Variants in PPP2R1A observed in about 807,000 individuals in gnomAD.
The protein encoded by PPP2R1A is protein phosphatase 2 scaffold subunit Aalpha.
In PPP2R1A, 15 loss-of-function variants were observed where a neutral mutation model predicts 67.1. The ratio of observed to expected loss-of-function variants is 0.22; its 90% CI spans 0.15 to 0.34. The LOEUF (loss-of-function observed/expected upper bound fraction) is 0.34. Ranked by LOEUF, PPP2R1A falls within the 10% of genes least tolerant of loss-of-function variation. The pLI is 1.00. For synonymous variants in PPP2R1A, 337 were observed against 325.0 expected (o/e 1.04, Z -0.40); for missense variants, 369 against 775.0 (o/e 0.48, Z 6.22).
At position 52,212,497 on chromosome 19, in the gene PPP2R1A, T is replaced by A; in HGVS notation, c.504-189T>A. On this transcript the variant is annotated intron_variant, in intron 4 of 14. Coordinates refer to ENST00000322088, the MANE Select transcript of PPP2R1A (RefSeq NM_014225.6). This position sits in a 1 kb window ranked among gnomAD's most constrained non-coding sequence, Gnocchi z 4.1. ...CACACACACTATTTTCATTTAAACCTCATGCGGACCTGTGGGGTAGGTACT... is the reference window on the plus strand; with the variant it reads ...CACACACACTATTTTCATTTAAACCACATGCGGACCTGTGGGGTAGGTACT... 2 of 627,882 alleles carry A rather than the reference T, an allele frequency of 3.2e-6. No individual in the cohort carries two copies. The highest frequency in any genetic ancestry group is 5.4e-6 in the Non-Finnish European group (2 of 367,500). 38.9% of individuals were successfully genotyped at this position (627,882 alleles called of 1,614,324 possible). A position where few individuals can be genotyped will look rare whatever the true frequency, so the allele number is the denominator to read the frequency against.
In PPP2R1A at chr19:52,216,896, GT is replaced by G. The variant is rs1978606899; in HGVS notation, c.1128+238del. ...AGGATATGAAAAATAGAAATTTAAA[GT>G]TTTTATTTATGGCCAGGCGCGGTGG... On this transcript the variant is annotated intron_variant, in intron 9 of 14. Transcript: ENST00000322088. This position sits in a 1 kb window ranked among gnomAD's most constrained non-coding sequence, Gnocchi z 4.3. Among the ~76,000 whole-genome samples, 1 of 152,122 alleles carries G rather than the reference GT, an allele frequency of 6.6e-6. No homozygotes were observed. Among genetic ancestry groups the G allele is most frequent in the African/African-American group, 2.4e-5 (1 of 41,430 alleles).
intron 1 of PPP2R1A, among the ~76,000 whole-genome samples, chr19:52,194,088 CAAAAAAAAAAAA>C (rs915576804): frequency 1.2e-4 from 7 of 60,510 alleles, no homozygotes; most frequent in Middle Eastern, 0.011. Context: ...ACCCTGTCTC[CAAAAAAAAAAAA>C]AAAAAAAAAA....
chr19:52,204,375 G>A (rs1438054070), intron 2 of PPP2R1A, among the ~76,000 whole-genome samples: 6 of 152,196 alleles, frequency 3.9e-5, no homozygotes, highest in Non-Finnish European at 7.3e-5. Context: ...TAGGGGCAAA[G>A]GTGGAAGCAG....
intron 1 of PPP2R1A, among the ~76,000 whole-genome samples, chr19:52,198,510 C>T (rs570507100): frequency 5.3e-5 from 8 of 152,076 alleles, no homozygotes; most frequent in South Asian, 4.2e-4. Flanking sequence ...TTAGGTTTAC[C>T]GGTTTATTAT....
At chr19:52,193,753 AG>A (rs1296096001) in intron 1 of PPP2R1A, among the ~76,000 whole-genome samples, 1 of 151,990 alleles carries the variant, frequency 6.6e-6, no homozygotes, top group Admixed American at 6.6e-5. Flanking sequence ...TATTTTTAGT[AG>A]AGAGTGGGTT....
intron 1 of PPP2R1A, chr19:52,190,391 A>G: frequency 1.6e-6 from 1 of 620,370 alleles, no homozygotes; most frequent in Non-Finnish European, 2.9e-6. Context: ...GCTAGCCTCG[A>G]GGGTCCCGGG....
intron 3 of PPP2R1A, among the ~76,000 whole-genome samples, chr19:52,208,323 C>T (rs867730444): frequency 2.0e-5 from 3 of 151,786 alleles, no homozygotes; most frequent in East Asian, 3.9e-4. Context: ...CGTGTGCCAC[C>T]GCACCCAGCT....
chr19:52,228,694 G>T lies in PPP2R1A; in HGVS notation c.*2713G>T, dbSNP rs1979399244. The stretch of plus-strand genomic sequence containing the variant: ...CGCTCTCTAGGCCTAAATCCCAGCA[G>T]TCACACTGGCCATCTCTAATGGTTC... On this transcript the variant is annotated 3_prime_UTR_variant, in exon 15 of 15. Transcript: ENST00000322088. 6.6e-6 allele frequency: 1 copy of T among 152,224 alleles called. No individual in the cohort carries two copies. The highest frequency in any genetic ancestry group is 1.5e-5 in the Non-Finnish European group (1 of 68,108). 9.4% of individuals were successfully genotyped at this position (152,224 alleles called of 1,614,324 possible).
At position 52,213,202 on chromosome 19, in the gene PPP2R1A, G is replaced by T; in HGVS notation, c.807+92G>T. On this transcript the variant is annotated intron_variant, in intron 6 of 14. Transcript: ENST00000322088. This position sits in a 1 kb window ranked among gnomAD's most constrained non-coding sequence, Gnocchi z 4.2. ...TAGGAGCTGAGGTTTCCATTAGGCC[G>T]ATGGAACCATTGGGCGTTTGAGCAA... The T allele has an allele frequency of 2.1e-6, 3 of 1,408,098 alleles. No individual in the cohort carries two copies. Among genetic ancestry groups the T allele is most frequent in the East Asian group, 5.0e-5 (2 of 39,876 alleles). 87.2% of individuals were successfully genotyped at this position (1,408,098 alleles called of 1,614,324 possible).
chr19:52,222,341 C>T (rs927383008), intron 13 of PPP2R1A, 100 bp downstream of exon 13: 26 of 1,459,180 alleles, frequency 1.8e-5, no homozygotes, highest in African/African-American at 1.3e-4. Context: ...GGCCTGGCAG[C>T]GCTCCTTGCT....
At chr19:52,195,360 A>G (rs1016871169) in intron 1 of PPP2R1A, among the ~76,000 whole-genome samples, 4 of 152,176 alleles carry the variant, frequency 2.6e-5, no homozygotes, top group African/African-American at 9.7e-5. Flanking sequence ...CACAACAATC[A>G]ACAACACAGA....
chr19:52,216,255 G>A lies in PPP2R1A; in HGVS notation c.993+181G>A, dbSNP rs1978565982. Among the ~76,000 whole-genome samples the A allele has an allele frequency of 6.6e-6, 1 of 152,158 alleles. No homozygotes were observed. The highest frequency in any genetic ancestry group is 1.5e-5 in the Non-Finnish European group (1 of 68,034). Reference sequence around the variant, plus strand: ...GCAGCTTGAGGCTGACCTTAAAGGTGGAAGTACTTTCTAGAACCTCAGATG... The same window carrying A: ...GCAGCTTGAGGCTGACCTTAAAGGTAGAAGTACTTTCTAGAACCTCAGATG... On this transcript the variant is annotated intron_variant, in intron 8 of 14. Transcript: ENST00000322088. The surrounding 1 kb of genome is among the most constrained non-coding windows in gnomAD (Gnocchi z 4.3).
intron 3 of PPP2R1A, among the ~76,000 whole-genome samples, chr19:52,209,318 C>T (rs375977293): frequency 2.6e-5 from 4 of 152,126 alleles, no homozygotes; most frequent in Non-Finnish European, 2.9e-5. Flanking sequence ...AACTCTGTCC[C>T]TGCAGTATCC....
At chr19:52,197,001 A>G (rs78899606) in intron 1 of PPP2R1A, among the ~76,000 whole-genome samples, 1,872 of 152,318 alleles carry the variant, frequency 0.012, 35 homozygotes, top group African/African-American at 0.042. Context: ...TGTCTTTTCC[A>G]GGGGTCATGT....
chr19:52,196,636 G>C (rs556395887), intron 1 of PPP2R1A, among the ~76,000 whole-genome samples: 1 of 151,858 alleles, frequency 6.6e-6, no homozygotes, highest in Non-Finnish European at 1.5e-5. Context: ...GCTGTAAGTA[G>C]TAGAAAAACT....
intron 1 of PPP2R1A, among the ~76,000 whole-genome samples, chr19:52,197,440 C>T (rs945162661): frequency 2.6e-5 from 4 of 151,932 alleles, no homozygotes; most frequent in African/African-American, 7.3e-5. Context: ...TTTGGGAGGT[C>T]GAGGTGGGAG....
intron 9 of PPP2R1A, among the ~76,000 whole-genome samples, chr19:52,217,489 G>T (rs961052592): frequency 6.6e-6 from 1 of 152,218 alleles, no homozygotes; most frequent in Non-Finnish European, 1.5e-5. Context: ...GTGAGCCGCT[G>T]CCCCCAGCCT....
At position 52,226,385 on chromosome 19, in the gene PPP2R1A, C is replaced by A. The variant is rs1979266346; in HGVS notation, c.*404C>A. On this transcript the variant is annotated 3_prime_UTR_variant, in exon 15 of 15. Coordinates refer to ENST00000322088, the MANE Select transcript of PPP2R1A (RefSeq NM_014225.6). Reference sequence around the variant, plus strand: ...TTTTTATTTTATTCCTTTTATTTTCCCCCTTTTCACAGAGAAATAAAGGTC... The same window carrying A: ...TTTTTATTTTATTCCTTTTATTTTCACCCTTTTCACAGAGAAATAAAGGTC... 1.6e-5 allele frequency: 5 copies of A among 312,942 alleles called. No individual in the cohort carries two copies. The South Asian group carries it at 4.1e-4, about 25-fold the overall frequency. The allele number at this position is 312,942 out of a possible 1,614,324, so 19.4% of individuals were successfully genotyped here.
At position 52,226,050 on chromosome 19, in the gene PPP2R1A, A is replaced by C; in HGVS notation, c.*69A>C. Reference sequence around the variant, plus strand: ...AACCCCCACAAGTCCCTCTTTGGGGAGACACTGGGGGGCCTTTGGCTGTCA... The same window carrying C: ...AACCCCCACAAGTCCCTCTTTGGGGCGACACTGGGGGGCCTTTGGCTGTCA... On this transcript the variant is annotated 3_prime_UTR_variant, in exon 15 of 15. Transcript: ENST00000322088. 1 of 1,610,094 alleles carries C rather than the reference A, an allele frequency of 6.2e-7. No individual in the cohort carries two copies. Among genetic ancestry groups the C allele is most frequent in the Non-Finnish European group, 8.5e-7 (1 of 1,176,412 alleles).
Sources: allele counts gnomAD v4.1 joint callset (sites outside exome capture counted in the v4.1 genomes callset), GRCh38; gene constraint gnomAD v4.1.1; non-coding constraint Gnocchi (gnomAD v3.1); transcripts MANE v1.5; gene names NCBI Gene and HGNC (gene_info 2026-07-23, HGNC 2026-07-21).